The following FZD6 variants were observed in gnomAD, a reference collection of about 807,000 sequenced individuals.
FZD6 encodes frizzled-6.
A neutral mutation model predicts 61.4 loss-of-function variants in FZD6; 49 were observed. The observed-to-expected ratio is 0.80, with a 90% CI of 0.63 to 1.01. The LOEUF (loss-of-function observed/expected upper bound fraction) is 1.01. Ranked by LOEUF, FZD6 falls within the 50% of genes least tolerant of loss-of-function variation. The pLI is 0.00. For synonymous variants in FZD6, 265 were observed against 292.2 expected (o/e 0.91, Z 0.95); for missense variants, 724 against 848.2 (o/e 0.85, Z 1.82).
chr8:103,307,733 A>G, intron 2 of FZD6: 1 of 444,508 alleles, frequency 2.2e-6, no homozygotes, highest in Non-Finnish European at 4.5e-6. Flanking sequence ...TTTTTTTTTC[A>G]TGTCCTTTCC....
rs142163887 is a variant in FZD6 at position 103,301,735 on chromosome 8, GACCTT to G, written c.177+1453_177+1457del. Among the ~76,000 whole-genome samples, 990 of 152,116 alleles carry G rather than the reference GACCTT, an allele frequency of 6.5e-3. 13 individuals carry two copies. The highest frequency in any genetic ancestry group is 0.022 in the African/African-American group (909 of 41,476). On this transcript the variant is annotated intron_variant, in intron 2 of 6. Transcript: ENST00000358755. ...CATTTTAAGTTTGAATGCTAACAGT[GACCTT>G]ATAAATTCATATCACCTAGACTCAA...
At position 103,326,051 on chromosome 8, in the gene FZD6, A is replaced by T. The variant is rs1481615121; in HGVS notation, c.1392+553A>T. ...TGATTAGTATAAGGGTGGTGTTTTTAAAATTAATAAAAGTAAATTTCTGAA... is the reference window on the plus strand; with the variant it reads ...TGATTAGTATAAGGGTGGTGTTTTTTAAATTAATAAAAGTAAATTTCTGAA... On this transcript the variant is annotated intron_variant, in intron 4 of 6. Transcript: ENST00000358755. 2.0e-5 allele frequency among the ~76,000 whole-genome samples: 3 copies of T among 152,186 alleles called. No homozygotes were observed. In the East Asian group the frequency reaches 5.8e-4, roughly 29 times the overall value.
chr8:103,328,187 G>T, intron 4 of FZD6, 81 bp from the exon 5 acceptor site: 1 of 1,051,346 alleles, frequency 9.5e-7, no homozygotes, highest in African/African-American at 1.6e-5. Flanking sequence ...TATAACTTTT[G>T]TTCGTTTTAT....
At chr8:103,319,184 A>G (rs1473486859) in intron 3 of FZD6, among the ~76,000 whole-genome samples, 1 of 152,180 alleles carries the variant, frequency 6.6e-6, no homozygotes. Context: ...GACAGAGGTA[A>G]CTAGGCAATG....
At chr8:103,307,366 TA>T (rs1814367396) in intron 2 of FZD6, among the ~76,000 whole-genome samples, 1 of 152,222 alleles carries the variant, frequency 6.6e-6, no homozygotes, top group South Asian at 2.1e-4. Flanking sequence ...AGCTGGTGTT[TA>T]TTCATTCAAC....
intron 2 of FZD6, among the ~76,000 whole-genome samples, chr8:103,310,893 G>C (rs984412457): frequency 1.3e-5 from 2 of 152,168 alleles, no homozygotes; most frequent in African/African-American, 2.4e-5. Context: ...TTTGGCCTTA[G>C]ACCAGAAACC....
In FZD6 at chr8:103,332,850, T is replaced by C. The variant is rs1815181803; in HGVS notation, c.*1341T>C. On this transcript the variant is annotated 3_prime_UTR_variant, in exon 7 of 7. Coordinates refer to ENST00000358755, the MANE Select transcript of FZD6 (RefSeq NM_003506.4). ...TTGTGTGATCTTTTCATTAATAAAA[T>C]TATCTTTGTATAAGAATTATGGAGT... 1 of 152,566 alleles carries C rather than the reference T, an allele frequency of 6.6e-6. No homozygotes were observed. Among genetic ancestry groups the C allele is most frequent in the Non-Finnish European group, 1.5e-5 (1 of 68,026 alleles). The allele number at this position is 152,566 out of a possible 1,614,324, so 9.5% of individuals were successfully genotyped here.
Position 103,325,498 on chromosome 8 carries a change from G to C in FZD6, c.1392G>C (p.Gln464His), listed in dbSNP as rs779693042. The C allele has an allele frequency of 6.2e-7, 1 of 1,602,222 alleles. No homozygotes were observed. Among genetic ancestry groups the C allele is most frequent in the Non-Finnish European group, 8.6e-7 (1 of 1,169,400 alleles). The change falls in exon 4 of 7, where the codon CAG becomes CAC. Residue 464 changes from glutamine (Q) to histidine (H), a missense_variant and splice_region_variant. Gln to His is a conservative substitution (Grantham distance 24). Coordinates refer to ENST00000358755, the MANE Select transcript of FZD6 (RefSeq NM_003506.4). ...CRQYHIPCPY[Q>H]AKAKARPELA... The stretch of plus-strand genomic sequence containing the variant: ...AGTACCATATCCCATGTCCTTATCA[G>C]GTAAAAGCTATCACTTGGATTATGT...
rs1470963015 is a variant in FZD6 at position 103,324,855 on chromosome 8, T to C, written c.749T>C (p.Ile250Thr). ...CYSIVSLMYFIGFLLGDSTAC... is the reference protein window; with the variant it reads ...CYSIVSLMYFTGFLLGDSTAC... The stretch of plus-strand genomic sequence containing the variant: ...AGCATTGTATCTCTTATGTACTTCA[T>C]TGGATTTTTGCTAGGCGATAGCACA... Residue 250 changes from isoleucine to threonine, a missense_variant, in exon 4 of 7, where the codon ATT becomes ACT. Ile to Thr is a moderately conservative substitution (Grantham distance 89). Coordinates refer to ENST00000358755, the MANE Select transcript of FZD6 (RefSeq NM_003506.4). 6.8e-6 allele frequency: 11 copies of C among 1,614,016 alleles called. No individual in the cohort carries two copies. The highest frequency in any genetic ancestry group is 3.3e-5 in the South Asian group (3 of 91,084).
chr8:103,328,316 CT>C lies in FZD6; in HGVS notation c.1442del (p.Leu481ArgfsTer2). On this transcript the variant is annotated frameshift_variant, in exon 5 of 7. Transcript: ENST00000358755. LOFTEE classifies it high-confidence loss of function. The stretch of plus-strand genomic sequence containing the variant: ...ATTGGCTTTATTTATGATAAAATAC[CT>C]GATGACATTAATTGTTGGCATCTCT... ...PELALFMIKY[L>X]MTLIVGISAV... 1 of 1,610,048 alleles carries C rather than the reference CT, an allele frequency of 6.2e-7. No homozygotes were observed. The highest frequency in any genetic ancestry group is 8.5e-7 in the Non-Finnish European group (1 of 1,176,454).
Position 103,325,393 on chromosome 8 carries a change from G to A in FZD6, c.1287G>A (p.Val429=), listed in dbSNP as rs1350947127. The change falls in exon 4 of 7, where the codon GTG becomes GTA. Residue 429 remains valine, a synonymous_variant. Coordinates refer to ENST00000358755, the MANE Select transcript of FZD6 (RefSeq NM_003506.4). The part of the protein sequence containing the change: ...VFSGLYLVPL[V]TLLGCYVYEQ... ...GCGGCTTGTATCTTGTGCCATTAGT[G>A]ACACTTCTCGGATGTTACGTCTATG... 1.2e-6 allele frequency: 2 copies of A among 1,613,466 alleles called. No homozygotes were observed. Among genetic ancestry groups the A allele is most frequent in the Non-Finnish European group, 1.7e-6 (2 of 1,179,546 alleles).
At chr8:103,326,544 GT>G (rs1280993570) in intron 4 of FZD6, among the ~76,000 whole-genome samples, 3 of 151,864 alleles carry the variant, frequency 2.0e-5, no homozygotes, top group African/African-American at 7.2e-5. Flanking sequence ...TAGTTATTAT[GT>G]TTTATGTAAG....
At position 103,330,027 on chromosome 8, in the gene FZD6, G is replaced by A. The variant is rs748036903; in HGVS notation, c.1914G>A (p.Gln638=). Reference sequence around the variant, plus strand: ...GGGAACAGGTCGACGGGAAGGGCCAGGCAGGCAGTGTATCTGAAAGTGCGC... The same window carrying A: ...GGGAACAGGTCGACGGGAAGGGCCAAGCAGGCAGTGTATCTGAAAGTGCGC... ...LSGEQVDGKG[Q]AGSVSESARS... is the part of the protein sequence containing the mutation. Residue 638 remains glutamine (Q), a synonymous_variant, in exon 6 of 7, where the codon CAG becomes CAA. Transcript: ENST00000358755. 1.2e-6 allele frequency: 2 copies of A among 1,614,154 alleles called. No individual in the cohort carries two copies. Among genetic ancestry groups the A allele is most frequent in the Admixed American group, 3.3e-5 (2 of 60,020 alleles).
At chr8:103,321,324 A>G (rs977582323) in intron 3 of FZD6, among the ~76,000 whole-genome samples, 2 of 152,240 alleles carry the variant, frequency 1.3e-5, no homozygotes, top group African/African-American at 4.8e-5. Flanking sequence ...AAGCAAACCC[A>G]TTAACATCCT....
Position 103,331,779 on chromosome 8 carries a change from T to C in FZD6, c.*270T>C, listed in dbSNP as rs190945010. On this transcript the variant is annotated 3_prime_UTR_variant, in exon 7 of 7. Transcript: ENST00000358755. ...CAGAGTTAGAGGAATCTTCCTTTTC[T>C]ATTTATGAAGATTCTACTCTTGGTA... is the stretch of plus-strand genomic sequence containing the variant. 19 of 380,562 alleles carry C rather than the reference T, an allele frequency of 5.0e-5. No homozygotes were observed. The highest frequency in any genetic ancestry group is 8.8e-5 in the Non-Finnish European group (18 of 204,002). The allele number at this position is 380,562 out of a possible 1,614,324, so 23.6% of individuals were successfully genotyped here. A position where few individuals can be genotyped will look rare whatever the true frequency, so the allele number is the denominator to read the frequency against.
rs1423251466 is a variant in FZD6, at chr8:103,300,099, T to G, written c.-9T>G. 5 of 1,545,648 alleles carry G rather than the reference T, an allele frequency of 3.2e-6. No homozygotes were observed. In the East Asian group the frequency reaches 1.1e-4, roughly 35 times the overall value. The stretch of plus-strand genomic sequence containing the variant: ...CAAGCCATGTGGTAAAATCAGGAAT[T>G]TGAAGAAAATGGAAATGTTTACATT... On this transcript the variant is annotated 5_prime_UTR_variant, in exon 2 of 7. In the 5' UTR this introduces an upstream ATG that the reference lacks. Coordinates refer to ENST00000358755, the MANE Select transcript of FZD6 (RefSeq NM_003506.4).
At chr8:103,309,182 T>C (rs889204196) in intron 2 of FZD6, among the ~76,000 whole-genome samples, 6 of 152,092 alleles carry the variant, frequency 3.9e-5, no homozygotes, top group African/African-American at 1.2e-4. Flanking sequence ...GATGGAAAAA[T>C]TCCACATCTA....
chr8:103,322,452 T>C (rs780841988), intron 3 of FZD6, among the ~76,000 whole-genome samples: 2 of 152,044 alleles, frequency 1.3e-5, no homozygotes, highest in Non-Finnish European at 2.9e-5. Flanking sequence ...CTTTCCGTGA[T>C]AGTGAATAAA....
intron 2 of FZD6, among the ~76,000 whole-genome samples, chr8:103,313,550 C>T (rs757018200): frequency 5.3e-5 from 8 of 152,170 alleles, no homozygotes; most frequent in East Asian, 1.9e-4. Flanking sequence ...TTTAGTATAT[C>T]GGCCTCCTTT....
Sources: gnomAD v4.1 joint callset for allele counts (sites outside exome capture counted in the v4.1 genomes callset) on GRCh38, gnomAD v4.1.1 for gene constraint, MANE v1.5 for transcripts, NCBI Gene and HGNC (gene_info 2026-07-23, HGNC 2026-07-21) for gene names.